Variants in PMP22 observed in about 807,000 individuals in gnomAD.
The protein encoded by PMP22 is Charcot-Marie-Tooth neuropathy 1A (greatly reduced nerve conduction velocity, hereditary motor sensory neuropathy Ia).
A neutral mutation model predicts 18.9 loss-of-function variants in PMP22; 2 were observed. That is an observed-to-expected ratio of 0.11 (90% CI 0.04 to 0.33). PMP22 has a LOEUF of 0.33. Ranked by LOEUF, PMP22 falls within the 10% of genes least tolerant of loss-of-function variation. The probability of loss-of-function intolerance (pLI) is 1.00; values close to 1 mark genes in which losing one functional copy is unlikely to be tolerated. For synonymous variants in PMP22, 95 were observed against 89.2 expected, an observed-to-expected ratio of 1.07 and a Z score of -0.37; for missense variants, 169 against 202.2, an observed-to-expected ratio of 0.84 and a Z score of 1.00.
intron 4 of PMP22, among the ~76,000 whole-genome samples, chr17:15,234,485 T>TG (rs1406930760): frequency 6.6e-6 from 1 of 152,002 alleles, no homozygotes; most frequent in Non-Finnish European, 1.5e-5. Context: ...GGTTGATGAG[T>TG]GGGTGCCTTT....
At chr17:15,232,777 G>A (rs9912998) in intron 4 of PMP22, among the ~76,000 whole-genome samples, 3,187 of 152,214 alleles carry the variant, frequency 0.021, 97 homozygotes, top group African/African-American at 0.069. Context: ...GCTACTCCCC[G>A]ATTTCACTGA....
At position 15,230,863 on chromosome 17, in the gene PMP22, C is replaced by T; in HGVS notation, c.*54G>A. Reference sequence around the variant, plus strand: ...TTTTCTTTGTCTGCTTTCTGTTTTCCCTTCCTCCCTTCCCTATGTACGCTC... The same window carrying T: ...TTTTCTTTGTCTGCTTTCTGTTTTCTCTTCCTCCCTTCCCTATGTACGCTC... On this transcript the variant is annotated 3_prime_UTR_variant, in exon 5 of 5. Transcript: ENST00000312280. The T allele has an allele frequency of 6.3e-7, 1 of 1,594,496 alleles. No homozygotes were observed. Among genetic ancestry groups the T allele is most frequent in the South Asian group, 1.1e-5 (1 of 90,680 alleles).
rs1348580629 is a variant in PMP22, at chr17:15,230,914, GC to G, written c.*2del. The G allele has an allele frequency of 4.3e-6, 7 of 1,613,590 alleles. No homozygotes were observed. In the African/African-American group the frequency reaches 9.3e-5, roughly 22 times the overall value. On this transcript the variant is annotated 3_prime_UTR_variant, in exon 5 of 5. Transcript: ENST00000312280. ...AGAGCCTCAGACAGACCGTCTGGGC[GC>G]CTCATTCGCGTTTCCGCAAGATCAC...
intron 3 of PMP22, among the ~76,000 whole-genome samples, chr17:15,251,976 T>A (rs1303113406): frequency 6.6e-6 from 1 of 152,074 alleles, no homozygotes; most frequent in East Asian, 1.9e-4. Flanking sequence ...AATCCTGGCA[T>A]GTTGACAACA....
At chr17:15,246,042 A>G (rs1189630795) in intron 3 of PMP22, among the ~76,000 whole-genome samples, 1 of 152,064 alleles carries the variant, frequency 6.6e-6, no homozygotes, top group Non-Finnish European at 1.5e-5. Flanking sequence ...AAGAAAAAAG[A>G]AAATGAGAGC....
At chr17:15,249,061 G>C (rs1467950360) in intron 3 of PMP22, among the ~76,000 whole-genome samples, 1 of 152,072 alleles carries the variant, frequency 6.6e-6, no homozygotes, top group African/African-American at 2.4e-5. Context: ...TATGAAAAAA[G>C]AACACGCATT....
intron 3 of PMP22, among the ~76,000 whole-genome samples, chr17:15,246,761 T>G (rs1907852183): frequency 6.6e-6 from 1 of 152,220 alleles, no homozygotes. Context: ...ACCTTGGTGC[T>G]GAGCACTGGA....
intron 3 of PMP22, among the ~76,000 whole-genome samples, chr17:15,240,981 G>A (rs1186778563): frequency 6.6e-6 from 1 of 152,204 alleles, no homozygotes; most frequent in East Asian, 1.9e-4. Flanking sequence ...TTTCACCTAA[G>A]ATGTTTCCAA....
intron 3 of PMP22, among the ~76,000 whole-genome samples, chr17:15,257,543 G>A (rs539833405): frequency 4.6e-5 from 7 of 152,214 alleles, no homozygotes; most frequent in Non-Finnish European, 7.3e-5. Context: ...TAGCGAGTAC[G>A]GAGACTCCCA....
At chr17:15,240,300 G>A (rs1046431601) in intron 3 of PMP22, among the ~76,000 whole-genome samples, 1 of 152,034 alleles carries the variant, frequency 6.6e-6, no homozygotes, top group East Asian at 1.9e-4. Context: ...TCACGGGAAT[G>A]GCTGTTAGAG....
chr17:15,245,481 C>T (rs1907720201), intron 3 of PMP22, among the ~76,000 whole-genome samples: 2 of 152,198 alleles, frequency 1.3e-5, no homozygotes, highest in Non-Finnish European at 2.9e-5. Context: ...TTGCCACATA[C>T]ATTTTTTTGG....
rs3785652 is a variant in PMP22, at chr17:15,249,199, C to T, written c.179-9588G>A. On this transcript the variant is annotated intron_variant, in intron 3 of 4. Transcript: ENST00000312280. ...CTGCAATTCTACCCCATTGCCAAGG[C>T]CCAGCTCAGAGGCCACCTCCTTTTA... Among the ~76,000 whole-genome samples the T allele has an allele frequency of 7.8e-3, 1,189 of 152,286 alleles. 77 individuals are homozygous for T. In the East Asian group the frequency reaches 0.14, roughly 18 times the overall value.
chr17:15,233,651 T>C (rs1429333309), intron 4 of PMP22, among the ~76,000 whole-genome samples: 2 of 152,208 alleles, frequency 1.3e-5, no homozygotes, highest in Admixed American at 6.5e-5. Flanking sequence ...GCCTATTGCA[T>C]GCGGGCCCTG....
chr17:15,259,502 C>T (rs1909125480), intron 2 of PMP22, among the ~76,000 whole-genome samples: 1 of 152,124 alleles, frequency 6.6e-6, no homozygotes, highest in Admixed American at 6.6e-5. Context: ...CCCAAGCCCG[C>T]CTCTCTCAGT....
chr17:15,246,794 G>A (rs1032480601), intron 3 of PMP22, among the ~76,000 whole-genome samples: 3 of 152,186 alleles, frequency 2.0e-5, no homozygotes, highest in East Asian at 1.9e-4. Context: ...AGCTCTGGCC[G>A]GGCGTGGTGG....
In PMP22 at chr17:15,239,494, G is replaced by A. The variant is rs1467889270; in HGVS notation, c.296C>T (p.Thr99Ile). 1 of 1,614,214 alleles carries A rather than the reference G, an allele frequency of 6.2e-7. No homozygotes were observed. Among genetic ancestry groups the A allele is most frequent in the Non-Finnish European group, 8.5e-7 (1 of 1,180,026 alleles). Residue 99 changes from threonine to isoleucine, a missense_variant, in exon 4 of 5, where the codon ACT (threonine) becomes ATT (isoleucine). Transcript: ENST00000312280. The stretch of plus-strand genomic sequence containing the variant: ...ACCAGCAAGAATTTGGAAGATTCCA[G>A]TGATGTAAAACCTGCCCCCCTTGGT... Reference protein sequence around the residue: ...TLTKGGRFYITGIFQILAGLC... With the variant: ...TLTKGGRFYIIGIFQILAGLC...
At position 15,265,285 on chromosome 17, in the gene PMP22, C is replaced by G. The variant is rs912423962; in HGVS notation, c.-166G>C. 2 of 152,226 alleles carry G rather than the reference C, an allele frequency of 1.3e-5. No homozygotes were observed. Among genetic ancestry groups the G allele is most frequent in the African/African-American group, 4.8e-5 (2 of 41,446 alleles). 9.4% of individuals were successfully genotyped at this position (152,226 alleles called of 1,614,324 possible). A position where few individuals can be genotyped will look rare whatever the true frequency, so the allele number is the denominator to read the frequency against. On this transcript the variant is annotated 5_prime_UTR_variant, in exon 1 of 5. Coordinates refer to ENST00000312280, the MANE Select transcript of PMP22 (RefSeq NM_000304.4). The stretch of plus-strand genomic sequence containing the variant: ...GACAGACTAAGCCTGCAGCTTCCAA[C>G]CAGGCTCCCCGAGATGTTCCCTGGT...
chr17:15,259,316 C>T, intron 2 of PMP22, 123 bp from the exon 3 acceptor site: 3 of 768,604 alleles, frequency 3.9e-6, no homozygotes, highest in Non-Finnish European at 6.9e-6. Flanking sequence ...CCGCCCACCC[C>T]TGCATGGTAA....
At chr17:15,246,588 C>A (rs740649) in intron 3 of PMP22, among the ~76,000 whole-genome samples, 9,882 of 152,280 alleles carry the variant, frequency 0.065, 484 homozygotes, top group East Asian at 0.17. Context: ...CCCAGTGTGG[C>A]GATACTCTTC....
Sources: allele counts gnomAD v4.1 joint callset (sites outside exome capture counted in the v4.1 genomes callset), GRCh38; gene constraint gnomAD v4.1.1; transcripts MANE v1.5; gene names NCBI Gene and HGNC (gene_info 2026-07-23, HGNC 2026-07-21).